ERBB2: variants seen among roughly 807,000 people sequenced by gnomAD.
ERBB2 encodes the protein receptor tyrosine-protein kinase erbB-2.
A neutral mutation model predicts 149.0 loss-of-function variants in ERBB2; 61 were observed. That is an observed-to-expected ratio of 0.41 (90% CI 0.33 to 0.51). ERBB2 has a LOEUF of 0.51. ERBB2 is among the 20% of genes least tolerant of loss of function. The probability of loss-of-function intolerance (pLI) is 0.25; values close to 1 mark genes in which losing one functional copy is unlikely to be tolerated. For missense variants in ERBB2, 1,205 were observed against 1,655.1 expected (o/e 0.73, Z 4.72); for synonymous variants, 633 against 678.8 (o/e 0.93, Z 1.05).
Position 39,726,242 on chromosome 17 carries a change from A to AG in ERBB2, c.2873-318dup. The AG allele has an allele frequency of 2.3e-6, 1 of 427,018 alleles. No homozygotes were observed. Among genetic ancestry groups the AG allele is most frequent in the South Asian group, 2.9e-5 (1 of 35,062 alleles). 26.5% of individuals were successfully genotyped at this position (427,018 alleles called of 1,614,324 possible). On this transcript the variant is annotated intron_variant, in intron 23 of 26. Transcript: ENST00000269571. The surrounding 1 kb of genome is among the most constrained non-coding windows in gnomAD (Gnocchi z 5.1). ...CCAGCTACTCAGGAGAGGCTGAGGCAGGAAGATCACTTGAGCCTAGTTTAA... is the reference window on the plus strand; with the variant it reads ...CCAGCTACTCAGGAGAGGCTGAGGCAGGGAAGATCACTTGAGCCTAGTTTAA...
At chr17:39,707,231 C>G in intron 2 of ERBB2, 90 bp downstream of exon 2, 1 of 1,119,124 alleles carries the variant, frequency 8.9e-7, no homozygotes, top group Non-Finnish European at 1.2e-6. Flanking sequence ...GGTGCCCTGC[C>G]CTTCTGTTTC....
intron 7 of ERBB2, among the ~76,000 whole-genome samples, chr17:39,711,103 T>C (rs1349321228): frequency 6.6e-6 from 1 of 152,172 alleles, no homozygotes; most frequent in Non-Finnish European, 1.5e-5. Context: ...TTTCACCACG[T>C]TGGCCAGACT....
upstream of ERBB2, among the ~76,000 whole-genome samples, chr17:39,692,536 G>C (rs2057737480): frequency 6.6e-6 from 1 of 151,772 alleles, no homozygotes; most frequent in Middle Eastern, 3.2e-3. Context: ...CTCCTGAGTA[G>C]CTGGGATTAT....
At chr17:39,694,260 T>TATATATACAC (rs1567888117), upstream of ERBB2, among the ~76,000 whole-genome samples, 1 of 23,488 alleles carries the variant, frequency 4.3e-5, no homozygotes, top group African/African-American at 1.1e-4. Context: ...TATATATATA[T>TATATATACAC]ATATATATGT....
At chr17:39,708,269 C>T (rs1212648272) in intron 2 of ERBB2, 52 bp from the exon 3 acceptor site, 1 of 1,500,532 alleles carries the variant, frequency 6.7e-7, no homozygotes, top group Admixed American at 1.7e-5. Context: ...CAGGGAGGCC[C>T]TGGGGGGTGG....
intron 11 of ERBB2, 43 bp from the exon 12 acceptor site, chr17:39,715,697 C>T (rs2145647984): frequency 6.3e-7 from 1 of 1,598,986 alleles, no homozygotes; most frequent in South Asian, 1.1e-5. Flanking sequence ...CCTTTGCTGA[C>T]CGGGAAGGGG....
upstream of ERBB2, among the ~76,000 whole-genome samples, chr17:39,692,445 A>T (rs2057734848): frequency 6.9e-6 from 1 of 144,970 alleles, no homozygotes; most frequent in Non-Finnish European, 1.5e-5. Context: ...TGCTCTTGTT[A>T]CCCAGGTTGG....
Position 39,708,359 on chromosome 17 carries a change from C to A in ERBB2, c.264C>A (p.His88Gln), listed in dbSNP as rs762638680. ...TGCAGGGCTACGTGCTCATCGCTCA[C>A]AACCAAGTGAGGCAGGTCCCACTGC... ...QEVQGYVLIA[H>Q]NQVRQVPLQR... The change falls in exon 3 of 27, where the codon CAC becomes CAA. Residue 88 changes from histidine (H) to glutamine (Q), a missense_variant. His to Gln is a conservative substitution (Grantham distance 24). Around this residue, in one of 6 missense-constraint regions of ERBB2, gnomAD observed 569 missense variants for 803.5 expected, o/e 0.71. Coordinates refer to ENST00000269571, the MANE Select transcript of ERBB2 (RefSeq NM_004448.4). 7 of 1,614,190 alleles carry A rather than the reference C, an allele frequency of 4.3e-6. No individual in the cohort carries two copies. Among genetic ancestry groups the A allele is most frequent in the Non-Finnish European group, 5.9e-6 (7 of 1,180,034 alleles).
At chr17:39,694,193 GAAAAAAAAAAAAAAAAAAAA>G (rs869070213), upstream of ERBB2, among the ~76,000 whole-genome samples, 9 of 15,602 alleles carry the variant, frequency 5.8e-4, no homozygotes, top group African/African-American at 1.8e-3. Flanking sequence ...CTCTGTCTCA[GAAAAAAAAAAAAAAAAAAAA>G]AAAAAAAAAA....
At chr17:39,702,124 CA>C (rs2058145681) in intron 1 of ERBB2, among the ~76,000 whole-genome samples, 1 of 152,174 alleles carries the variant, frequency 6.6e-6, no homozygotes. Context: ...GGCAACAAGG[CA>C]AAACTCTGTA....
intron 1 of ERBB2, chr17:39,703,116 G>A: frequency 6.6e-6 from 1 of 152,532 alleles, no homozygotes; most frequent in Non-Finnish European, 1.5e-5. Flanking sequence ...TTCCTGTCCA[G>A]CCAATGCCTG....
intron 1 of ERBB2, among the ~76,000 whole-genome samples, chr17:39,705,331 G>A (rs1402862240): frequency 6.6e-6 from 1 of 152,224 alleles, no homozygotes; most frequent in Admixed American, 6.5e-5. Flanking sequence ...TGGGGTCTGG[G>A]CCTGCAGACA....
At chr17:39,719,197 G>T (rs2059316725) in intron 15 of ERBB2, among the ~76,000 whole-genome samples, 1 of 151,950 alleles carries the variant, frequency 6.6e-6, no homozygotes. Flanking sequence ...GGCAGCGGAG[G>T]TTGCAGTGAG....
At chr17:39,699,918 C>A, upstream of ERBB2, 1 of 943,806 alleles carries the variant, frequency 1.1e-6, no homozygotes, top group Non-Finnish European at 1.4e-6. Flanking sequence ...GAAAGTGAAG[C>A]TGGGAGTTGC....
At chr17:39,688,301 C>T (rs2057606188) in intron 1 of ERBB2, 2 of 310,990 alleles carry the variant, frequency 6.4e-6, no homozygotes, top group East Asian at 9.7e-5. Context: ...ACTGTCACCA[C>T]CCCTGTCGGA....
intron 16 of ERBB2, chr17:39,720,183 ATGG>A (rs976323237): frequency 7.5e-5 from 19 of 252,118 alleles, no homozygotes; most frequent in African/African-American, 4.0e-4. Context: ...TTAACTGGGG[ATGG>A]TGGGAGGCTT....
At chr17:39,709,939 C>T (rs1000740767) in intron 5 of ERBB2, 58 bp downstream of exon 5, 24 of 1,548,208 alleles carry the variant, frequency 1.6e-5, no homozygotes, top group East Asian at 2.2e-5. Flanking sequence ...GGGTGGAATG[C>T]AGGTGTCATA....
upstream of ERBB2, among the ~76,000 whole-genome samples, chr17:39,692,405 CTTTT>C (rs779846935): frequency 7.0e-6 from 1 of 142,958 alleles, no homozygotes. Flanking sequence ...GTAAGGAACA[CTTTT>C]TTTTTTTTTT....
upstream of ERBB2, chr17:39,699,974 G>C: frequency 2.4e-6 from 3 of 1,258,888 alleles, no homozygotes; most frequent in Non-Finnish European, 3.0e-6. Flanking sequence ...CGAGCTGGGA[G>C]CGCGCTTGCT....
Sources: allele counts gnomAD v4.1 joint callset (sites outside exome capture counted in the v4.1 genomes callset), GRCh38; gene constraint gnomAD v4.1.1; regional missense constraint gnomAD v4.1.1; non-coding constraint Gnocchi (gnomAD v3.1); transcripts MANE v1.5; gene names NCBI Gene and HGNC (gene_info 2026-07-23, HGNC 2026-07-21).